Variants in RBM27 observed in about 807,000 individuals in gnomAD.
The protein encoded by RBM27 is RNA binding motif protein 27, also known as RNA-binding protein 27.
A neutral mutation model predicts 135.3 loss-of-function variants in RBM27; 22 were observed. The ratio of observed to expected loss-of-function variants is 0.16; its 90% CI spans 0.12 to 0.23. RBM27 has a LOEUF of 0.23. Among genes scored for constraint, RBM27 ranks in the 10% least tolerant of loss-of-function variants. The probability of loss-of-function intolerance (pLI) is 1.00; values close to 1 mark genes in which losing one functional copy is unlikely to be tolerated. For missense variants in RBM27, 1,009 were observed against 1,281.0 expected (o/e 0.79, Z 3.24); for synonymous variants, 481 against 442.4 (o/e 1.09, Z -1.10).
At chr5:146,246,674 G>GT (rs1259484482) in intron 8 of RBM27, among the ~76,000 whole-genome samples, 1 of 152,120 alleles carries the variant, frequency 6.6e-6, no homozygotes, top group Non-Finnish European at 1.5e-5. Context: ...GGATAACATA[G>GT]TAAGACCTCA....
intron 8 of RBM27, among the ~76,000 whole-genome samples, chr5:146,243,876 C>T (rs1757510544): frequency 6.6e-6 from 1 of 151,834 alleles, no homozygotes; most frequent in African/African-American, 2.4e-5. Flanking sequence ...CTGGATTTTT[C>T]AAGGTAGGAG....
At chr5:146,253,961 T>C (rs1416484995) in intron 9 of RBM27, among the ~76,000 whole-genome samples, 2 of 152,212 alleles carry the variant, frequency 1.3e-5, no homozygotes, top group Non-Finnish European at 2.9e-5. Context: ...TGTGCGCGTG[T>C]GTGCTTTTTT....
intron 1 of RBM27, among the ~76,000 whole-genome samples, chr5:146,206,015 G>A (rs905031875): frequency 6.6e-6 from 1 of 151,980 alleles, no homozygotes; most frequent in Non-Finnish European, 1.5e-5. Flanking sequence ...GCCAGACTCC[G>A]TCTCAACAAA....
chr5:146,261,486 T>C, intron 12 of RBM27, 24 bp from the exon 13 acceptor site: 1 of 1,586,662 alleles, frequency 6.3e-7, no homozygotes, highest in Non-Finnish European at 8.6e-7. Flanking sequence ...TTTTGGGAAT[T>C]TATATTGTTT....
rs1272166056 is a variant in RBM27 at position 146,255,019 on chromosome 5, C to A, written c.1521C>A (p.Phe507Leu). The A allele has an allele frequency of 3.1e-6, 5 of 1,605,298 alleles. No homozygotes were observed. The highest frequency in any genetic ancestry group is 4.5e-5 in the East Asian group (2 of 44,654). Residue 507 changes from phenylalanine to leucine, a missense_variant, in exon 10 of 21, where the codon TTC becomes TTA. This residue lies in a region of RBM27 where 329 missense variants were observed against 368.1 expected (regional missense o/e 0.89). Coordinates refer to ENST00000265271, the MANE Select transcript of RBM27 (RefSeq NM_018989.2). ...CTGGTAGATCTCAGTACAGACAGTT[C>A]TTTTCAAGAACTCAGACACAGCGTC... The part of the protein sequence containing the change: ...TSSGRSQYRQ[F>L]FSRTQTQRPN...
At chr5:146,275,562 C>T (rs545420948) in intron 19 of RBM27, among the ~76,000 whole-genome samples, 8 of 152,054 alleles carry the variant, frequency 5.3e-5, no homozygotes, top group African/African-American at 9.6e-5. Context: ...CCACTGCGCC[C>T]GGCCCAGAAA....
intron 1 of RBM27, among the ~76,000 whole-genome samples, chr5:146,218,023 G>A (rs1297057429): frequency 6.6e-6 from 1 of 152,176 alleles, no homozygotes; most frequent in Non-Finnish European, 1.5e-5. Context: ...CTCTCAGGAT[G>A]TTGGGATTAC....
chr5:146,255,120 G>T (rs753592522), intron 10 of RBM27, 28 bp downstream of exon 10: 9 of 1,590,062 alleles, frequency 5.7e-6, no homozygotes, highest in Non-Finnish European at 7.7e-6. Flanking sequence ...TTTTTCTGAT[G>T]CTAAGTGTTA....
intron 8 of RBM27, among the ~76,000 whole-genome samples, chr5:146,244,455 G>A (rs1757535716): frequency 6.6e-6 from 1 of 152,144 alleles, no homozygotes. Context: ...AACTAACTGT[G>A]TTTGGAATTT....
intron 8 of RBM27, among the ~76,000 whole-genome samples, chr5:146,250,431 C>CAA (rs775574346): frequency 0.033 from 3,015 of 91,818 alleles, 148 homozygotes; most frequent in Admixed American, 0.11. Flanking sequence ...GACTCCGTCT[C>CAA]AAAAAAAAAA....
intron 1 of RBM27, among the ~76,000 whole-genome samples, chr5:146,215,871 C>T (rs1446509900): frequency 1.3e-5 from 2 of 151,888 alleles, no homozygotes; most frequent in African/African-American, 4.8e-5. Context: ...CTGCCTCAGT[C>T]TCCCAAGTAG....
chr5:146,255,259 T>C (rs1758056232), intron 10 of RBM27, among the ~76,000 whole-genome samples, 167 bp downstream of exon 10: 1 of 152,224 alleles, frequency 6.6e-6, no homozygotes, highest in African/African-American at 2.4e-5. Context: ...TAAATAACTT[T>C]ATCTCCAAAT....
intron 19 of RBM27, among the ~76,000 whole-genome samples, chr5:146,278,808 G>A (rs548360839): frequency 2.0e-5 from 3 of 150,938 alleles, no homozygotes; most frequent in East Asian, 2.0e-4. Context: ...TGCATGCTCC[G>A]CCTCGCAGGT....
chr5:146,269,868 C>T lies in RBM27; in HGVS notation c.2691+284C>T, dbSNP rs554425402. ...GATTACAGGTGTGAACCACTGCACC[C>T]GGCTGCCACAATTTTTTTGTTTTAG... On this transcript the variant is annotated intron_variant, in intron 17 of 20. Coordinates refer to ENST00000265271, the MANE Select transcript of RBM27 (RefSeq NM_018989.2). 4.6e-5 allele frequency among the ~76,000 whole-genome samples: 7 copies of T among 151,792 alleles called. No homozygotes were observed. In the East Asian group the frequency reaches 5.8e-4, roughly 13 times the overall value.
intron 1 of RBM27, among the ~76,000 whole-genome samples, chr5:146,206,296 G>GT (rs200414491): frequency 9.4e-6 from 1 of 106,050 alleles, no homozygotes; most frequent in African/African-American, 3.5e-5. Flanking sequence ...AGTGCTTTTC[G>GT]TTTTTTGTTT....
chr5:146,218,153 G>GTA (rs35966085), intron 1 of RBM27, among the ~76,000 whole-genome samples: 31,748 of 151,788 alleles, frequency 0.21, 4,203 homozygotes, highest in Admixed American at 0.33. Flanking sequence ...ATATGTGTGT[G>GTA]TATATATATA....
intron 7 of RBM27, 97 bp from the exon 8 acceptor site, chr5:146,237,201 A>G: frequency 2.8e-6 from 4 of 1,447,836 alleles, no homozygotes; most frequent in Non-Finnish European, 3.8e-6. Context: ...GGCCTCCCAC[A>G]GTTCTGGATT....
At position 146,251,808 on chromosome 5, in the gene RBM27, T is replaced by A; in HGVS notation, c.1377T>A (p.Pro459=). Residue 459 remains proline, a synonymous_variant, in exon 9 of 21, where the codon CCT becomes CCA. Transcript: ENST00000265271. ...PPLLAARLVP[P]RNLMGSSIGY... is the part of the protein sequence containing the mutation. Reference sequence around the variant, plus strand: ...TGTTGGCAGCTCGTTTGGTGCCACCTCGAAACCTCATGGGATCCTCCATTG... The same window carrying A: ...TGTTGGCAGCTCGTTTGGTGCCACCACGAAACCTCATGGGATCCTCCATTG... 6.2e-7 allele frequency: 1 copy of A among 1,614,104 alleles called. No individual in the cohort carries two copies. The highest frequency in any genetic ancestry group is 1.7e-5 in the Admixed American group (1 of 60,014).
chr5:146,245,212 C>G (rs542363105), intron 8 of RBM27: 4 of 151,752 alleles, frequency 2.6e-5, no homozygotes, highest in African/African-American at 9.7e-5. Flanking sequence ...GTTGGGAGAC[C>G]AGAGAACTTG....
Sources: gnomAD v4.1 joint callset for allele counts (sites outside exome capture counted in the v4.1 genomes callset) on GRCh38, gnomAD v4.1.1 for gene constraint, gnomAD v4.1.1 regional missense constraint, MANE v1.5 for transcripts, NCBI Gene and HGNC (gene_info 2026-07-23, HGNC 2026-07-21) for gene names.